Variants in SQLE observed in about 807,000 individuals in gnomAD.
SQLE encodes the protein squalene epoxidase.
A neutral mutation model predicts 60.7 loss-of-function variants in SQLE; 29 were observed. The ratio of observed to expected loss-of-function variants is 0.48; its 90% CI spans 0.36 to 0.65. The LOEUF (loss-of-function observed/expected upper bound fraction) is 0.65, where lower values mean the gene tolerates loss of function less well. Ranked by LOEUF, SQLE falls within the 30% of genes least tolerant of loss-of-function variation. The pLI is 0.00. For synonymous variants in SQLE, 237 were observed against 246.8 expected (o/e 0.96, Z 0.37); for missense variants, 605 against 684.1 (o/e 0.88, Z 1.29).
chr8:124,998,753 G>T lies in SQLE; in HGVS notation c.-651G>T, dbSNP rs1174700464. On this transcript the variant is annotated 5_prime_UTR_variant, in exon 1 of 11. Transcript: ENST00000265896. ...TAAATCTTTAGGTTGGGGCTGCATT[G>T]CCCTGGAGCCGCACTCTTGAGTCCG... 2 of 533,074 alleles carry T rather than the reference G, an allele frequency of 3.8e-6. No homozygotes were observed. Among genetic ancestry groups the T allele is most frequent in the East Asian group, 3.4e-5 (1 of 28,998 alleles). 33.0% of individuals were successfully genotyped at this position (533,074 alleles called of 1,614,324 possible).
At position 125,007,041 on chromosome 8, in the gene SQLE, A is replaced by AAT. The variant is rs370536295; in HGVS notation, c.726-348_726-347dup. ...CTTAACAGTTTGCAGGATGCATTCC[A>AAT]ATACTTGTTTTCCCCTCTGTGTATG... On this transcript the variant is annotated intron_variant, in intron 3 of 10. Transcript: ENST00000265896. 3.9e-3 allele frequency among the ~76,000 whole-genome samples: 597 copies of AAT among 152,300 alleles called. 5 individuals are homozygous for AAT. Among genetic ancestry groups the AAT allele is most frequent in the African/African-American group, 0.013 (523 of 41,564 alleles).
rs1206694481 is a variant in SQLE at position 125,017,956 on chromosome 8, CTTA to C, written c.1205-96_1205-94del. ...TGTTTTCATGTATTTTCACATTTTT[CTTA>C]TTATTAGCTTACATCAGTAATCTTT... On this transcript the variant is annotated intron_variant, in intron 7 of 10. Coordinates refer to ENST00000265896, the MANE Select transcript of SQLE (RefSeq NM_003129.4). 8 of 1,305,500 alleles carry C rather than the reference CTTA, an allele frequency of 6.1e-6. 1 individual carries two copies. Among genetic ancestry groups the C allele is most frequent in the South Asian group, 2.7e-5 (2 of 73,730 alleles). 80.9% of individuals were successfully genotyped at this position (1,305,500 alleles called of 1,614,324 possible).
chr8:125,004,298 AG>A (rs561191928), intron 2 of SQLE, among the ~76,000 whole-genome samples: 2 of 152,250 alleles, frequency 1.3e-5, no homozygotes, highest in African/African-American at 4.8e-5. Flanking sequence ...ATCCTTTTTT[AG>A]GTAACACTAT....
At chr8:125,012,156 C>G (rs16900178) in intron 7 of SQLE, among the ~76,000 whole-genome samples, 16,859 of 151,936 alleles carry the variant, frequency 0.11, 1,930 homozygotes, top group African/African-American at 0.29. Context: ...CAAGCAGTTT[C>G]CTATGGCAGG....
At chr8:125,000,174 C>A in intron 1 of SQLE, 1 of 392,468 alleles carries the variant, frequency 2.5e-6, no homozygotes, top group South Asian at 1.9e-5. Context: ...AGGCATTGGG[C>A]TCAAAGTTCT....
At chr8:125,013,220 A>C (rs1250656421) in intron 7 of SQLE, among the ~76,000 whole-genome samples, 1 of 151,976 alleles carries the variant, frequency 6.6e-6, no homozygotes, top group Non-Finnish European at 1.5e-5. Flanking sequence ...ATTCTTCTTA[A>C]TGGTTTCCAT....
intron 1 of SQLE, among the ~76,000 whole-genome samples, chr8:125,000,346 A>G (rs1406788338): frequency 1.3e-5 from 2 of 152,254 alleles, no homozygotes; most frequent in East Asian, 3.8e-4. Context: ...CATTTAGGGC[A>G]TGTTGGCAAT....
intron 1 of SQLE, among the ~76,000 whole-genome samples, chr8:125,002,626 G>A (rs536895515): frequency 3.9e-5 from 6 of 152,142 alleles, no homozygotes; most frequent in Non-Finnish European, 7.4e-5. Context: ...GCAGTGATCC[G>A]AGATTGCGCC....
chr8:125,016,569 T>C lies in SQLE; in HGVS notation c.1205-1490T>C, dbSNP rs1277191871. Among the ~76,000 whole-genome samples, 1 of 152,154 alleles carries C rather than the reference T, an allele frequency of 6.6e-6. No individual in the cohort carries two copies. Among genetic ancestry groups the C allele is most frequent in the African/African-American group, 2.4e-5 (1 of 41,446 alleles). ...CAGCTATTTTGAATTCTCTGAAAGC[T>C]CACATCTCTGTTACTCTGGGATTGG... is the stretch of plus-strand genomic sequence containing the variant. On this transcript the variant is annotated intron_variant, in intron 7 of 10. Transcript: ENST00000265896. The surrounding 1 kb of genome is among the most constrained non-coding windows in gnomAD (Gnocchi z 4.1).
rs573044251 is a variant in SQLE, at chr8:125,006,913, C to T, written c.726-478C>T. On this transcript the variant is annotated intron_variant, in intron 3 of 10. Coordinates refer to ENST00000265896, the MANE Select transcript of SQLE (RefSeq NM_003129.4). Reference sequence around the variant, plus strand: ...AGAGACGGGGTTTCACCATGTTGGCCAGGATGGCCTTGATCTCCTGACCTT... The same window carrying T: ...AGAGACGGGGTTTCACCATGTTGGCTAGGATGGCCTTGATCTCCTGACCTT... 9.2e-5 allele frequency among the ~76,000 whole-genome samples: 14 copies of T among 152,086 alleles called. No individual in the cohort carries two copies. In the East Asian group the frequency reaches 1.8e-3, roughly 19 times the overall value.
chr8:125,001,476 GTGTGTGTGTGTGTA>G lies in SQLE; in HGVS notation c.292-1698_292-1685del, dbSNP rs1277233894. ...TGTGTGTGTGTGTGTGTGTGTGTGTGTGTGTGTGTGTGTATATAAAACAGGAAAAACTTATGAAG... is the reference window on the plus strand; with the variant it reads ...TGTGTGTGTGTGTGTGTGTGTGTGTGTATAAAACAGGAAAAACTTATGAAG... On this transcript the variant is annotated intron_variant, in intron 1 of 10. Coordinates refer to ENST00000265896, the MANE Select transcript of SQLE (RefSeq NM_003129.4). 4.6e-3 allele frequency among the ~76,000 whole-genome samples: 663 copies of G among 144,450 alleles called. 7 individuals are homozygous for G. Among genetic ancestry groups the G allele is most frequent in the African/African-American group, 0.016 (589 of 37,762 alleles). The allele number at this position is 144,450 out of a possible 152,430, so 94.8% of individuals were successfully genotyped here.
Position 125,003,442 on chromosome 8 carries a change from G to T in SQLE, c.544+14G>T. 1.2e-6 allele frequency: 2 copies of T among 1,612,424 alleles called. No individual in the cohort carries two copies. The highest frequency in any genetic ancestry group is 2.2e-5 in the South Asian group (2 of 90,886). ...TTGGTCTTGGAGGTAGGTTCATATTGATTTTCAGGAGAGTTACGTGGTATG... is the reference window on the plus strand; with the variant it reads ...TTGGTCTTGGAGGTAGGTTCATATTTATTTTCAGGAGAGTTACGTGGTATG... On this transcript the variant is annotated intron_variant, in intron 2 of 10. Coordinates refer to ENST00000265896, the MANE Select transcript of SQLE (RefSeq NM_003129.4).
chr8:125,001,436 GC>G (rs1327709431), intron 1 of SQLE, among the ~76,000 whole-genome samples: 3 of 148,258 alleles, frequency 2.0e-5, no homozygotes, highest in African/African-American at 7.6e-5. Context: ...TTCCTCCAGA[GC>G]TCTCCTTTCA....
Position 124,998,616 on chromosome 8 carries a change from C to G in SQLE, c.-788C>G, listed in dbSNP as rs1393891549. The G allele has an allele frequency of 1.5e-6, 1 of 684,012 alleles. No individual in the cohort carries two copies. Among genetic ancestry groups the G allele is most frequent in the Non-Finnish European group, 2.7e-6 (1 of 376,270 alleles). 42.4% of individuals were successfully genotyped at this position (684,012 alleles called of 1,614,324 possible). On this transcript the variant is annotated 5_prime_UTR_variant, in exon 1 of 11. Coordinates refer to ENST00000265896, the MANE Select transcript of SQLE (RefSeq NM_003129.4). ...CCGCGAGGGATGCTGGTGAGGAAGC[C>G]GTCGGGAGCCGCCGCCGCCATCTGA...
In SQLE at chr8:125,020,796, A is replaced by AAT; in HGVS notation, c.1458_1459insTA (p.Leu487TyrfsTer2). ...AATTTTATTTTAGATTCCCTGCATC[A>AAT]ACTAAGAAAAGCCTGTTTTCTTTAT... On this transcript the variant is annotated frameshift_variant, in exon 10 of 11. Transcript: ENST00000265896. LOFTEE classifies it high-confidence loss of function. 1 of 1,611,762 alleles carries AAT rather than the reference A, an allele frequency of 6.2e-7. No individual in the cohort carries two copies. The highest frequency in any genetic ancestry group is 8.5e-7 in the Non-Finnish European group (1 of 1,178,160).
At chr8:125,013,660 C>T (rs1815072263) in intron 7 of SQLE, among the ~76,000 whole-genome samples, 1 of 152,020 alleles carries the variant, frequency 6.6e-6, no homozygotes, top group Non-Finnish European at 1.5e-5. Flanking sequence ...GCCTGTTACT[C>T]CTATATTTTC....
Position 125,020,800 on chromosome 8 carries a change from A to G in SQLE, c.1461A>G (p.Leu487=), listed in dbSNP as rs1480348322. 1 of 1,612,482 alleles carries G rather than the reference A, an allele frequency of 6.2e-7. No individual in the cohort carries two copies. The highest frequency in any genetic ancestry group is 8.5e-7 in the Non-Finnish European group (1 of 1,178,768). The change falls in exon 10 of 11, where the codon CTA becomes CTG. Residue 487 remains leucine (L), a synonymous_variant. Coordinates refer to ENST00000265896, the MANE Select transcript of SQLE (RefSeq NM_003129.4). ...FSATDDSLHQ[L]RKACFLYFKL... is the part of the protein sequence containing the mutation. ...TTATTTTAGATTCCCTGCATCAACT[A>G]AGAAAAGCCTGTTTTCTTTATTTCA...
intron 3 of SQLE, among the ~76,000 whole-genome samples, chr8:125,006,339 G>A (rs905107993): frequency 6.6e-6 from 1 of 152,102 alleles, no homozygotes; most frequent in Non-Finnish European, 1.5e-5. Context: ...TGGAAAAATC[G>A]GCCAGGTGCG....
chr8:125,004,180 C>T (rs576661698), intron 2 of SQLE, among the ~76,000 whole-genome samples: 1 of 152,270 alleles, frequency 6.6e-6, no homozygotes, highest in Non-Finnish European at 1.5e-5. Context: ...ATACTGTTAA[C>T]CATTCTTTAT....
Sources: allele counts gnomAD v4.1 joint callset (sites outside exome capture counted in the v4.1 genomes callset), GRCh38; gene constraint gnomAD v4.1.1; non-coding constraint Gnocchi (gnomAD v3.1); transcripts MANE v1.5; gene names NCBI Gene and HGNC (gene_info 2026-07-23, HGNC 2026-07-21).